EDA: variants seen among roughly 807,000 people sequenced by gnomAD.
EDA encodes the protein ectodysplasin-A.
A neutral mutation model predicts 23.6 loss-of-function variants in EDA; 2 were observed. The observed-to-expected ratio is 0.08, with a 90% confidence interval of 0.03 to 0.27. EDA has a LOEUF of 0.27. EDA is among the 10% of genes least tolerant of loss of function. The pLI is 1.00. For synonymous variants in EDA, 131 were observed against 132.0 expected (o/e 0.99, Z 0.05); for missense variants, 229 against 324.2 (o/e 0.71, Z 2.26).
chrX:69,861,280 T>C, intron 1 of EDA: 1 of 169,445 alleles, frequency 5.9e-6, no homozygotes, highest in South Asian at 1.2e-4. Context: ...AGAAAGAAAA[T>C]ACCAGACAAT....
chrX:69,659,579 G>T (rs1933422123), intron 1 of EDA, among the ~76,000 whole-genome samples: 2 of 111,801 alleles, frequency 1.8e-5, no homozygotes, highest in South Asian at 7.5e-4. Context: ...CACAAATATG[G>T]CATATGCAAT....
chrX:69,729,016 G>A (rs2012916582), intron 1 of EDA: 2 of 111,612 alleles, frequency 1.8e-5, no homozygotes, highest in African/African-American at 6.5e-5. Flanking sequence ...CTGGCTGGGT[G>A]GAAATTGATG....
At chrX:69,924,740 G>A (rs1338205542) in intron 1 of EDA, among the ~76,000 whole-genome samples, 1 of 112,253 alleles carries the variant, frequency 8.9e-6, no homozygotes, top group Admixed American at 9.5e-5. Flanking sequence ...ACTTTGGGCA[G>A]TATGGCCATT....
At chrX:69,732,926 T>C (rs193260028) in intron 1 of EDA, among the ~76,000 whole-genome samples, 1,748 of 111,179 alleles carry the variant, frequency 0.016, 31 homozygotes, top group African/African-American at 0.055. Flanking sequence ...TCATATCCTT[T>C]GCCCACTTTT....
intron 1 of EDA, among the ~76,000 whole-genome samples, chrX:69,863,747 G>T: frequency 9.3e-6 from 1 of 108,059 alleles, no homozygotes; most frequent in Non-Finnish European, 1.9e-5. Flanking sequence ...ATGTATATGT[G>T]TGTGTGTGTA....
At chrX:69,689,493 G>C (rs1178527367) in intron 1 of EDA, among the ~76,000 whole-genome samples, 18 of 109,107 alleles carry the variant, frequency 1.6e-4, no homozygotes, top group African/African-American at 5.7e-4. Flanking sequence ...CCACCACCGT[G>C]CCTGGCTAAT....
At chrX:69,732,741 C>G (rs1423149371) in intron 1 of EDA, among the ~76,000 whole-genome samples, 1 of 111,917 alleles carries the variant, frequency 8.9e-6, no homozygotes, top group Non-Finnish European at 1.9e-5. Flanking sequence ...TCCTATTTCT[C>G]CACATCCTCT....
At chrX:69,882,122 A>G in intron 1 of EDA, among the ~76,000 whole-genome samples, 1 of 111,331 alleles carries the variant, frequency 9.0e-6, no homozygotes, top group Admixed American at 9.5e-5. Context: ...GTTTTTTCTT[A>G]ATTTAGCATC....
At chrX:70,015,160 A>G (rs2019928605) in intron 2 of EDA, among the ~76,000 whole-genome samples, 1 of 112,137 alleles carries the variant, frequency 8.9e-6, no homozygotes, top group Non-Finnish European at 1.9e-5. Context: ...TATTAAAGGC[A>G]TCTAGAGAGA....
rs150703253 is a variant in EDA, at chrX:69,679,492, T to G, written c.396+62788T>G. 7.8e-3 allele frequency among the ~76,000 whole-genome samples: 875 copies of G among 111,772 alleles called. 5 individuals are homozygous for G. Among genetic ancestry groups the G allele is most frequent in the African/African-American group, 0.027 (823 of 30,723 alleles). ...GTAAGCTATTGATTATTGCCACAAT[T>G]TCAGATCCTGTTATTGGTCTATTCA... On this transcript the variant is annotated intron_variant, in intron 1 of 7. Coordinates refer to ENST00000374552, the MANE Select transcript of EDA (RefSeq NM_001399.5).
chrX:70,019,002 A>T (rs752343047), intron 2 of EDA, among the ~76,000 whole-genome samples: 46 of 112,105 alleles, frequency 4.1e-4, no homozygotes, highest in Non-Finnish European at 7.9e-4. Flanking sequence ...CAAGCAAAAA[A>T]ACAAGCAACC....
chrX:69,998,630 T>C (rs2019695611), intron 2 of EDA, among the ~76,000 whole-genome samples: 1 of 111,776 alleles, frequency 8.9e-6, no homozygotes, highest in African/African-American at 3.3e-5. Context: ...TGGTTTGTCT[T>C]TGTGTCCTCA....
intron 5 of EDA, among the ~76,000 whole-genome samples, chrX:70,030,134 G>A (rs982703149): frequency 3.6e-5 from 4 of 112,139 alleles, no homozygotes; most frequent in African/African-American, 1.3e-4. Flanking sequence ...AGTGCTTGAC[G>A]GCTTGCAGGG....
chrX:69,845,861 G>A (rs1029686801), intron 1 of EDA, among the ~76,000 whole-genome samples: 7 of 109,921 alleles, frequency 6.4e-5, no homozygotes, highest in East Asian at 2.8e-4. Flanking sequence ...AATAGCTGAG[G>A]CTTTCTGCCA....
chrX:70,006,238 C>G (rs1384468357), intron 2 of EDA, among the ~76,000 whole-genome samples: 1 of 111,775 alleles, frequency 8.9e-6, no homozygotes, highest in African/African-American at 3.3e-5. Flanking sequence ...AAATAAACAC[C>G]TAGGAGCACA....
intron 2 of EDA, among the ~76,000 whole-genome samples, chrX:69,975,250 G>A (rs958980593): frequency 1.8e-5 from 2 of 111,923 alleles, no homozygotes; most frequent in African/African-American, 6.5e-5. Flanking sequence ...TAAAGAAAAT[G>A]TGGTTCATAT....
chrX:69,791,158 C>G (rs1475184803), intron 1 of EDA, among the ~76,000 whole-genome samples: 1 of 111,530 alleles, frequency 9.0e-6, no homozygotes, highest in Non-Finnish European at 1.9e-5. Context: ...AATTCATGGT[C>G]ATTTTTTAAA....
chrX:69,712,584 G>A (rs1000012977), intron 1 of EDA, among the ~76,000 whole-genome samples: 1 of 111,433 alleles, frequency 9.0e-6, no homozygotes, highest in Non-Finnish European at 1.9e-5. Flanking sequence ...AGGATGTGGA[G>A]AAATAGGAAC....
At chrX:69,798,522 A>G (rs2015598746) in intron 1 of EDA, among the ~76,000 whole-genome samples, 1 of 111,781 alleles carries the variant, frequency 8.9e-6, no homozygotes, top group Non-Finnish European at 1.9e-5. Flanking sequence ...AACTTTGGAA[A>G]CTCTACAAAT....
Sources: allele counts gnomAD v4.1 joint callset (sites outside exome capture counted in the v4.1 genomes callset), GRCh38; gene constraint gnomAD v4.1.1; transcripts MANE v1.5; gene names NCBI Gene and HGNC (gene_info 2026-07-23, HGNC 2026-07-21).